CLIC6: variants seen among roughly 807,000 people sequenced by gnomAD.
CLIC6 encodes the protein chloride intracellular channel protein 6.
Under a neutral mutation model 49.2 loss-of-function variants are expected in CLIC6, and 39 were observed. That is an observed-to-expected ratio of 0.79 (90% CI 0.61 to 1.04). CLIC6 has a LOEUF of 1.04. Among genes scored for constraint, CLIC6 ranks in the 50% least tolerant of loss-of-function variants. The pLI is 0.00. For missense variants in CLIC6, 988 were observed against 993.1 expected (o/e 0.99, Z 0.07); for synonymous variants, 446 against 433.4 (o/e 1.03, Z -0.36).
In CLIC6 at chr21:34,716,666, A is replaced by G; in HGVS notation, c.*184A>G. Reference sequence around the variant, plus strand: ...AAACATTAGTTTAATTTTCTTCAAAATGAAAATACTGCTTTGTAATTACAA... The same window carrying G: ...AAACATTAGTTTAATTTTCTTCAAAGTGAAAATACTGCTTTGTAATTACAA... On this transcript the variant is annotated 3_prime_UTR_variant, in exon 6 of 6. Transcript: ENST00000349499. The G allele has an allele frequency of 2.2e-6, 1 of 459,688 alleles. No individual in the cohort carries two copies. 28.5% of individuals were successfully genotyped at this position (459,688 alleles called of 1,614,324 possible).
intron 1 of CLIC6, among the ~76,000 whole-genome samples, chr21:34,673,674 T>G (rs1488643022): frequency 1.3e-5 from 2 of 152,110 alleles, no homozygotes; most frequent in African/African-American, 4.8e-5. Context: ...ATCCTACCAA[T>G]TATGCTCTTT....
At chr21:34,675,270 AG>A (rs1989640833) in intron 1 of CLIC6, among the ~76,000 whole-genome samples, 1 of 150,348 alleles carries the variant, frequency 6.7e-6, no homozygotes, top group South Asian at 2.1e-4. Context: ...AAAAAAAAAA[AG>A]AGCCTTCCAA....
Position 34,670,094 on chromosome 21 carries a change from G to GC in CLIC6, c.707dup (p.Asp238GlyfsTer58). On this transcript the variant is annotated frameshift_variant, in exon 1 of 6. Transcript: ENST00000349499. LOFTEE classifies it high-confidence loss of function. ...GGACAGCGTAGACGCGGAAGGTCCG[G>GC]CGGGGGACAGCGTAGACGCGGAGGG... 7.2e-7 allele frequency: 1 copy of GC among 1,389,658 alleles called. No individual in the cohort carries two copies. Among genetic ancestry groups the GC allele is most frequent in the Non-Finnish European group, 9.3e-7 (1 of 1,080,526 alleles). 86.1% of individuals were successfully genotyped at this position (1,389,658 alleles called of 1,614,324 possible).
At chr21:34,683,783 G>A (rs1257350916) in intron 1 of CLIC6, among the ~76,000 whole-genome samples, 1 of 152,140 alleles carries the variant, frequency 6.6e-6, no homozygotes. Context: ...TAAGTTTCCT[G>A]AGGCCTCCCC....
At chr21:34,687,758 T>C (rs1022579620) in intron 1 of CLIC6, among the ~76,000 whole-genome samples, 2 of 152,124 alleles carry the variant, frequency 1.3e-5, no homozygotes, top group Non-Finnish European at 2.9e-5. Flanking sequence ...TTAGGATTAG[T>C]AGTTTTTTTT....
chr21:34,706,818 C>T (rs1295654873), intron 1 of CLIC6, among the ~76,000 whole-genome samples: 1 of 152,176 alleles, frequency 6.6e-6, no homozygotes, highest in Non-Finnish European at 1.5e-5. Context: ...AAGTATTCTA[C>T]TCTTGATAGT....
chr21:34,681,053 A>G (rs1018993538), intron 1 of CLIC6, among the ~76,000 whole-genome samples: 1 of 152,228 alleles, frequency 6.6e-6, no homozygotes, highest in Non-Finnish European at 1.5e-5. Flanking sequence ...GTGTTAGTCC[A>G]TTCTCATACT....
intron 1 of CLIC6, among the ~76,000 whole-genome samples, chr21:34,683,422 C>G (rs1229575577): frequency 6.6e-6 from 1 of 152,084 alleles, no homozygotes; most frequent in Non-Finnish European, 1.5e-5. Context: ...TCTATTTGTG[C>G]TCCAGTCTGT....
intron 1 of CLIC6, among the ~76,000 whole-genome samples, chr21:34,696,998 G>A (rs1402096464): frequency 6.6e-6 from 1 of 151,986 alleles, no homozygotes; most frequent in African/African-American, 2.4e-5. Context: ...GATGGGTTGG[G>A]GATGCCTGCA....
At chr21:34,693,428 G>A (rs756534094) in intron 1 of CLIC6, among the ~76,000 whole-genome samples, 1 of 152,160 alleles carries the variant, frequency 6.6e-6, no homozygotes, top group Admixed American at 6.5e-5. Flanking sequence ...ACCACTAGGG[G>A]GCACCAATGG....
intron 1 of CLIC6, among the ~76,000 whole-genome samples, chr21:34,703,228 C>T (rs1008125453): frequency 4.6e-5 from 7 of 152,186 alleles, no homozygotes; most frequent in African/African-American, 1.4e-4. Context: ...TATCTTCTCT[C>T]CACCACCTCC....
intron 1 of CLIC6, among the ~76,000 whole-genome samples, chr21:34,681,222 T>C (rs1054107273): frequency 6.6e-6 from 1 of 152,212 alleles, no homozygotes; most frequent in African/African-American, 2.4e-5. Flanking sequence ...GGAGAAGTGC[T>C]GAGTGAAGGC....
At chr21:34,675,919 G>T (rs921427327) in intron 1 of CLIC6, among the ~76,000 whole-genome samples, 1 of 152,250 alleles carries the variant, frequency 6.6e-6, no homozygotes, top group Non-Finnish European at 1.5e-5. Context: ...CCTCTTGGCA[G>T]CAGGGTTACA....
chr21:34,672,810 C>A (rs1200644401), intron 1 of CLIC6, among the ~76,000 whole-genome samples: 1 of 152,164 alleles, frequency 6.6e-6, no homozygotes, highest in Admixed American at 6.5e-5. Flanking sequence ...TCATTGTGGT[C>A]TCATTGATAA....
rs1184666113 is a variant in CLIC6, at chr21:34,679,344, T to G, written c.1374+8582T>G. ...TCACGAGAACAGCATGGGGGAAACT[T>G]CTCTCATGGTTCAATTATCTCTACC... On this transcript the variant is annotated intron_variant, in intron 1 of 5. Transcript: ENST00000349499. Among the ~76,000 whole-genome samples, 3 of 152,096 alleles carry G rather than the reference T, an allele frequency of 2.0e-5. No individual in the cohort carries two copies. In the East Asian group the frequency reaches 5.8e-4, roughly 29 times the overall value.
chr21:34,716,042 G>GCATACT (rs2056083357), intron 5 of CLIC6, among the ~76,000 whole-genome samples: 1 of 152,218 alleles, frequency 6.6e-6, no homozygotes, highest in African/African-American at 2.4e-5. Context: ...AGAGTCCAGA[G>GCATACT]CATACTCGTG....
chr21:34,699,054 T>A lies in CLIC6; in HGVS notation c.1375-8226T>A, dbSNP rs572535252. Among the ~76,000 whole-genome samples the A allele has an allele frequency of 1.2e-4, 19 of 152,344 alleles. No individual in the cohort carries two copies. The South Asian group carries it at 3.7e-3, about 30-fold the overall frequency. On this transcript the variant is annotated intron_variant, in intron 1 of 5. Coordinates refer to ENST00000349499, the MANE Select transcript of CLIC6 (RefSeq NM_053277.3). ...CGAGAGAGAGAGCGCACTTTATTCT[T>A]TGAAGTCTATTTGCATCTTTGGCCA...
chr21:34,669,493 C>A lies in CLIC6; in HGVS notation c.105C>A (p.Gly35=). ...GACCCGGAGAGCCAGGAGCCGCGGG[C>A]GGGGAGGCAGAAGGGCCGGAGGGGA... ...AERPGEPGAA[G]GEAEGPEGSE... The change falls in exon 1 of 6, where the codon GGC becomes GGA. Residue 35 remains glycine (G), a synonymous_variant. Transcript: ENST00000349499. 1.6e-6 allele frequency: 2 copies of A among 1,234,974 alleles called. No individual in the cohort carries two copies. Among genetic ancestry groups the A allele is most frequent in the Admixed American group, 4.2e-5 (1 of 23,710 alleles). The allele number at this position is 1,234,974 out of a possible 1,614,324, so 76.5% of individuals were successfully genotyped here.
chr21:34,704,916 A>C (rs944357894), intron 1 of CLIC6, among the ~76,000 whole-genome samples: 1 of 152,198 alleles, frequency 6.6e-6, no homozygotes, highest in Non-Finnish European at 1.5e-5. Flanking sequence ...CACTGCAAGA[A>C]GGGTCCATTC....
Sources: gnomAD v4.1 joint callset for allele counts (sites outside exome capture counted in the v4.1 genomes callset) on GRCh38, gnomAD v4.1.1 for gene constraint, MANE v1.5 for transcripts, NCBI Gene and HGNC (gene_info 2026-07-23, HGNC 2026-07-21) for gene names.